ATP13A1: variants seen among roughly 807,000 people sequenced by gnomAD.
ATP13A1 encodes the protein ATPase 13A1.
A neutral mutation model predicts 134.8 loss-of-function variants in ATP13A1; 55 were observed. The observed-to-expected ratio is 0.41, with a 90% CI of 0.33 to 0.51. ATP13A1 has a LOEUF of 0.51. ATP13A1 is among the 20% of genes least tolerant of loss of function. The pLI, the probability that ATP13A1 is intolerant of heterozygous loss-of-function variation, is 0.29. For missense variants in ATP13A1, 1,389 were observed against 1,652.8 expected (o/e 0.84, Z 2.77); for synonymous variants, 775 against 725.1 (o/e 1.07, Z -1.10).
intron 1 of ATP13A1, among the ~76,000 whole-genome samples, chr19:19,660,285 C>T (rs891094426): frequency 2.6e-5 from 4 of 151,012 alleles, no homozygotes; most frequent in Non-Finnish European, 5.9e-5. Context: ...AGTTTGAGAT[C>T]AGCCTCGCCA....
intron 16 of ATP13A1, 76 bp from the exon 17 acceptor site, chr19:19,651,873 C>T: frequency 1.6e-6 from 2 of 1,218,712 alleles, no homozygotes; most frequent in Middle Eastern, 4.0e-4. Flanking sequence ...GCTGCCAAGT[C>T]TCCTTCTAAG....
Position 19,663,471 on chromosome 19 carries a change from T to G in ATP13A1, c.196A>C (p.Thr66Pro), listed in dbSNP as rs1375092190. Residue 66 changes from threonine to proline, a missense_variant, in exon 1 of 26, where the codon ACG (threonine) becomes CCG (proline). This residue lies in a region of ATP13A1 where 293 missense variants were observed against 270.8 expected (regional missense o/e 1.08). Transcript: ENST00000357324. The part of the protein sequence containing the change: ...YRRLALLRRL[T>P]VLPFAGLLYP... ...AGCAGCCCGGCGAATGGCAGCACCGTGAGGCGCCGCAACAGCGCCAACCGC... is the reference window on the plus strand; with the variant it reads ...AGCAGCCCGGCGAATGGCAGCACCGGGAGGCGCCGCAACAGCGCCAACCGC... The G allele has an allele frequency of 6.5e-7, 1 of 1,539,922 alleles. No individual in the cohort carries two copies. The highest frequency in any genetic ancestry group is 1.2e-5 in the South Asian group (1 of 84,290).
chr19:19,646,515 C>G (rs2061987090), intron 22 of ATP13A1, 168 bp from the exon 23 acceptor site: 1 of 824,436 alleles, frequency 1.2e-6, no homozygotes. Context: ...CCCTGCCTGC[C>G]TCTCACCCCT....
intron 22 of ATP13A1, chr19:19,646,812 T>C: frequency 2.3e-6 from 1 of 430,286 alleles, no homozygotes; most frequent in Non-Finnish European, 4.2e-6. Context: ...TCCACCAGCC[T>C]GTCCTGTGTA....
In ATP13A1 at chr19:19,654,589, A is replaced by T. The variant is rs1398706825; in HGVS notation, c.1767T>A (p.Pro589=). The change falls in exon 13 of 26, where the codon CCT becomes CCA. Residue 589 remains proline (P), a synonymous_variant. Coordinates refer to ENST00000357324, the MANE Select transcript of ATP13A1 (RefSeq NM_020410.3). ...QLDDGTLVGD[P]LEKAMLTAVD... is the part of the protein sequence containing the mutation. ...CGGCCGTCAGCATGGCCTTCTCTAG[A>T]GGGTCACCCACGAGGGTGCCGTCGT... 1 of 1,613,198 alleles carries T rather than the reference A, an allele frequency of 6.2e-7. No homozygotes were observed. The highest frequency in any genetic ancestry group is 1.1e-5 in the South Asian group (1 of 91,076).
chr19:19,657,344 C>T lies in ATP13A1; in HGVS notation c.742G>A (p.Val248Ile), dbSNP rs1484529387. 6.4e-7 allele frequency: 1 copy of T among 1,571,028 alleles called. No homozygotes were observed. The highest frequency in any genetic ancestry group is 8.6e-7 in the Non-Finnish European group (1 of 1,157,606). Reference sequence around the variant, plus strand: ...CAGAGCTGCTGCTTTACCTGAAATACAAAGAAGGGGGCTGTGGCTCTCTCC... The same window carrying T: ...CAGAGCTGCTGCTTTACCTGAAATATAAAGAAGGGGGCTGTGGCTCTCTCC... Reference protein sequence around the residue: ...FKERATAPFFVFQVFCVGLWC... With the variant: ...FKERATAPFFIFQVFCVGLWC... Residue 248 changes from valine (V) to isoleucine (I), a missense_variant, in exon 4 of 26, where the codon GTA (valine) becomes ATA (isoleucine). Around this residue, in one of 4 missense-constraint regions of ATP13A1, gnomAD observed 747 missense variants for 956.1 expected, o/e 0.78. Coordinates refer to ENST00000357324, the MANE Select transcript of ATP13A1 (RefSeq NM_020410.3).
At chr19:19,651,525 C>A (rs1285871678) in intron 17 of ATP13A1, 164 bp downstream of exon 17, 1 of 533,438 alleles carries the variant, frequency 1.9e-6, no homozygotes, top group Non-Finnish European at 3.3e-6. Context: ...TGAACGCTCA[C>A]ATGCTGTCCG....
At position 19,657,169 on chromosome 19, in the gene ATP13A1, C is replaced by T. The variant is rs758331562; in HGVS notation, c.751-20G>A. 1 of 1,497,650 alleles carries T rather than the reference C, an allele frequency of 6.7e-7. No individual in the cohort carries two copies. Among genetic ancestry groups the T allele is most frequent in the Non-Finnish European group, 8.9e-7 (1 of 1,124,048 alleles). 92.8% of individuals were successfully genotyped at this position (1,497,650 alleles called of 1,614,324 possible). On this transcript the variant is annotated intron_variant, in intron 4 of 25. Transcript: ENST00000357324. The stretch of plus-strand genomic sequence containing the variant: ...GAACACCTGTGGGATACCAGCCTGT[C>T]TGTCCTTGCCCTACCCGCCCTGTTC...
intron 19 of ATP13A1, 146 bp downstream of exon 19, chr19:19,649,421 A>C (rs2062009539): frequency 3.6e-6 from 3 of 842,198 alleles, no homozygotes; most frequent in Admixed American, 4.5e-5. Flanking sequence ...CTGCCCTCAA[A>C]GCCCCTGACC....
intron 1 of ATP13A1, chr19:19,662,169 C>G: frequency 1.3e-6 from 2 of 1,551,060 alleles, no homozygotes; most frequent in Non-Finnish European, 1.7e-6. Context: ...CAAAAGGCAG[C>G]TGAAGTTTGA....
Position 19,647,451 on chromosome 19 carries a change from T to A in ATP13A1, c.2871A>T (p.Ala957=), listed in dbSNP as rs144288905. 1.9e-6 allele frequency: 3 copies of A among 1,613,514 alleles called. No individual in the cohort carries two copies. Among genetic ancestry groups the A allele is most frequent in the Non-Finnish European group, 2.5e-6 (3 of 1,179,734 alleles). The change falls in exon 21 of 26, where the codon GCA becomes GCT. Residue 957 remains alanine (A), a synonymous_variant. Transcript: ENST00000357324. The surrounding 1 kb of genome is among the most constrained non-coding windows in gnomAD (Gnocchi z 4.8). ...ATGAGAGCTTGGAGGTGAAGGGTGC[T>A]GCGATGCTGGCATCCCCCAGTTTCA... is the stretch of plus-strand genomic sequence containing the variant. ...PIVKLGDASI[A]APFTSKLSSI... is the part of the protein sequence containing the mutation.
rs1366208885 is a variant in ATP13A1, at chr19:19,655,192, C to T, written c.1582G>A (p.Glu528Lys). The change falls in exon 12 of 26, where the codon GAG (glutamate) becomes AAG (lysine). Residue 528 changes from glutamate to lysine, a missense_variant. Glu to Lys is a moderately conservative substitution (Grantham distance 56). This residue lies in a region of ATP13A1 where 747 missense variants were observed against 956.1 expected (regional missense o/e 0.78). Coordinates refer to ENST00000357324, the MANE Select transcript of ATP13A1 (RefSeq NM_020410.3). The surrounding 1 kb of genome is among the most constrained non-coding windows in gnomAD (Gnocchi z 5.7). ...CCCGTCTTGTCAAAGCAGCACACCT[C>T]GACCTTGCCAGCAAAGGGGATCCGG... ...PFRIPFAGKVEVCCFDKTGTL... is the reference protein window; with the variant it reads ...PFRIPFAGKVKVCCFDKTGTL... 2 of 1,614,028 alleles carry T rather than the reference C, an allele frequency of 1.2e-6. No homozygotes were observed. The highest frequency in any genetic ancestry group is 1.1e-5 in the South Asian group (1 of 91,084).
intron 13 of ATP13A1, 103 bp from the exon 14 acceptor site, chr19:19,654,247 A>G: frequency 7.9e-7 from 1 of 1,263,144 alleles, no homozygotes; most frequent in Non-Finnish European, 1.1e-6. Context: ...TGCCTCCCCC[A>G]GGGCCTGATC....
chr19:19,646,888 G>A, intron 22 of ATP13A1: 11 of 554,638 alleles, frequency 2.0e-5, no homozygotes, highest in Non-Finnish European at 3.5e-5. Flanking sequence ...GGGGCTCTGT[G>A]GGGCCCACCC....
intron 3 of ATP13A1, among the ~76,000 whole-genome samples, 173 bp downstream of exon 3, chr19:19,659,428 C>T (rs924597298): frequency 2.6e-5 from 4 of 151,694 alleles, no homozygotes; most frequent in African/African-American, 9.7e-5. Flanking sequence ...TGCACTCCAG[C>T]CTGGGTGACA....
In ATP13A1 at chr19:19,654,553, C is replaced by CGTCCA; in HGVS notation, c.1798_1802dup (p.Leu602GlyfsTer3). ...GCCCCAGCCCCTCACCTTTGGTCAG[C>CGTCCA]GTCCAGTCCACGGCCGTCAGCATGG... On this transcript the variant is annotated frameshift_variant, in exon 13 of 26. Transcript: ENST00000357324. LOFTEE classifies it high-confidence loss of function. 6.2e-7 allele frequency: 1 copy of CGTCCA among 1,607,960 alleles called. No homozygotes were observed. Among genetic ancestry groups the CGTCCA allele is most frequent in the Non-Finnish European group, 8.5e-7 (1 of 1,177,632 alleles).
chr19:19,652,701 TC>T lies in ATP13A1; in HGVS notation c.2119del (p.Glu707ArgfsTer26). ...GAACTTGAGGCTGCACTCCAGGGCC[TC>T]CCGCTTGACCTCCCGGGCCTGCGGA... is the stretch of plus-strand genomic sequence containing the variant. ...THQQAREVKR[E>X]ALECSLKFVG... is the part of the protein sequence containing the mutation. On this transcript the variant is annotated frameshift_variant, in exon 16 of 26. Transcript: ENST00000357324. LOFTEE classifies it high-confidence loss of function. 1 of 1,606,330 alleles carries T rather than the reference TC, an allele frequency of 6.2e-7. No homozygotes were observed. The highest frequency in any genetic ancestry group is 1.7e-5 in the Admixed American group (1 of 59,330).
rs145881010 is a variant in ATP13A1, at chr19:19,647,665, G to T, written c.2727C>A (p.Ala909=). ...ACCGCTGCTTGGCTGTCCTGGAGGT[G>T]GCTCTGATGCCACTGTTGCTCAGGG... ...SPTLSNSGIR[A]TSRTAKQRSG... Residue 909 remains alanine, a synonymous_variant, in exon 20 of 26, where the codon GCC becomes GCA. Coordinates refer to ENST00000357324, the MANE Select transcript of ATP13A1 (RefSeq NM_020410.3). This position sits in a 1 kb window ranked among gnomAD's most constrained non-coding sequence, Gnocchi z 4.8. 1,603 of 1,612,976 alleles carry T rather than the reference G, an allele frequency of 9.9e-4. 11 individuals are homozygous for T. In the African/African-American group the frequency reaches 0.02, roughly 20 times the overall value.
chr19:19,658,146 C>T (rs796374801), intron 3 of ATP13A1, among the ~76,000 whole-genome samples: 26 of 106,906 alleles, frequency 2.4e-4, no homozygotes, highest in African/African-American at 1.1e-3. Flanking sequence ...AAGACCCTGT[C>T]TCCAAAAAAA....
Sources: allele counts gnomAD v4.1 joint callset (sites outside exome capture counted in the v4.1 genomes callset), GRCh38; gene constraint gnomAD v4.1.1; regional missense constraint gnomAD v4.1.1; non-coding constraint Gnocchi (gnomAD v3.1); transcripts MANE v1.5; gene names NCBI Gene and HGNC (gene_info 2026-07-23, HGNC 2026-07-21).